Variants in CASD1 observed in about 807,000 individuals in gnomAD.
The protein encoded by CASD1 is CAS1 domain sialic acid O acetyltransferase 1, also known as N-acetylneuraminate (7)9-O-acetyltransferase.
A neutral mutation model predicts 100.0 loss-of-function variants in CASD1; 41 were observed. The observed-to-expected ratio is 0.41, with a 90% CI of 0.32 to 0.53. The LOEUF is 0.53. CASD1 is among the 20% of genes least tolerant of loss of function. The probability of loss-of-function intolerance (pLI) is 0.25; values close to 1 mark genes in which losing one functional copy is unlikely to be tolerated. For synonymous variants in CASD1, 321 were observed against 315.6 expected (o/e 1.02, Z -0.18); for missense variants, 774 against 948.7 (o/e 0.82, Z 2.42).
At chr7:94,539,249 A>G (rs75337214) in intron 10 of CASD1, among the ~76,000 whole-genome samples, 193 bp downstream of exon 10, 2 of 152,096 alleles carry the variant, frequency 1.3e-5, no homozygotes, top group Non-Finnish European at 2.9e-5. Context: ...AATTTTTTTT[A>G]AAAAAGATAA....
chr7:94,554,310 G>T, intron 16 of CASD1, 173 bp from the exon 17 acceptor site: 1 of 494,700 alleles, frequency 2.0e-6, no homozygotes, highest in Non-Finnish European at 3.6e-6. Context: ...TCCAGTTTGG[G>T]TAGACTTTAG....
chr7:94,603,178 C>T, the CASD1 span: 1 of 772,448 alleles, frequency 1.3e-6, no homozygotes, highest in East Asian at 2.7e-5. Context: ...AAGTCAACTG[C>T]AGTTAAAGTA....
At chr7:94,618,943 T>G in the CASD1 span, 1 of 1,613,146 alleles carries the variant, frequency 6.2e-7, no homozygotes, top group Admixed American at 1.7e-5. Flanking sequence ...CTGCTTGATA[T>G]GGCAACGGGA....
chr7:94,596,803 A>G, the CASD1 span, among the ~76,000 whole-genome samples: 10,933 of 152,074 alleles, frequency 0.072, 450 homozygotes, highest in East Asian at 0.13. Context: ...TGTTGCTACT[A>G]CTTTTTTCCA....
At chr7:94,598,840 T>C in the CASD1 span, 2 of 1,613,390 alleles carry the variant, frequency 1.2e-6, no homozygotes, top group Non-Finnish European at 1.7e-6. Flanking sequence ...GAGGTATGAT[T>C]TCCCCAGTCA....
the CASD1 span, chr7:94,619,182 C>G: frequency 2.0e-6 from 1 of 488,576 alleles, no homozygotes. Flanking sequence ...CAAGGCTCAT[C>G]AGAGGCTCAT....
intron 16 of CASD1, 157 bp from the exon 17 acceptor site, chr7:94,554,326 A>T: frequency 1.9e-6 from 1 of 532,114 alleles, no homozygotes; most frequent in Non-Finnish European, 3.3e-6. Context: ...TTTAGAACAA[A>T]AATAACTTTC....
intron 2 of CASD1, among the ~76,000 whole-genome samples, chr7:94,517,983 A>G (rs1422044631): frequency 2.6e-5 from 4 of 152,248 alleles, no homozygotes; most frequent in African/African-American, 7.2e-5. Context: ...TAATACAGTT[A>G]GAGTACATCT....
chr7:94,538,391 G>T (rs1795220083), intron 9 of CASD1, among the ~76,000 whole-genome samples: 1 of 152,042 alleles, frequency 6.6e-6, no homozygotes, highest in African/African-American at 2.4e-5. Context: ...TTTTAGAATT[G>T]CTGTCATTGC....
intron 3 of CASD1, among the ~76,000 whole-genome samples, chr7:94,522,271 TA>T (rs1175416841): frequency 6.6e-6 from 1 of 152,184 alleles, no homozygotes; most frequent in Admixed American, 6.5e-5. Context: ...ATTCACCAGG[TA>T]AATACTAAAG....
At chr7:94,569,763 A>G in the CASD1 span, among the ~76,000 whole-genome samples, 1 of 150,472 alleles carries the variant, frequency 6.6e-6, no homozygotes, top group African/African-American at 2.4e-5. Flanking sequence ...TCTCTTGTAG[A>G]CAGCATATCG....
the CASD1 span, chr7:94,629,729 G>A: frequency 1.9e-6 from 3 of 1,611,006 alleles, no homozygotes; most frequent in Non-Finnish European, 1.7e-6. Context: ...CAGGTTTTGG[G>A]TAAGGTGGAA....
rs1793591698 is a variant in CASD1 at position 94,509,840 on chromosome 7, G to C, written c.-245G>C. 2 of 1,001,488 alleles carry C rather than the reference G, an allele frequency of 2.0e-6. No individual in the cohort carries two copies. Among genetic ancestry groups the C allele is most frequent in the Admixed American group, 5.9e-5 (1 of 16,828 alleles). The allele number at this position is 1,001,488 out of a possible 1,614,324, so 62.0% of individuals were successfully genotyped here. ...GGCGTCCAGGGCGCCTGGGGAACCG[G>C]CACGGCGGAGCAGCGGCGGCGGGGC... On this transcript the variant is annotated 5_prime_UTR_variant, in exon 1 of 18. Transcript: ENST00000297273.
chr7:94,532,152 A>G (rs1794880986), intron 5 of CASD1, among the ~76,000 whole-genome samples: 1 of 152,166 alleles, frequency 6.6e-6, no homozygotes, highest in South Asian at 2.1e-4. Flanking sequence ...AATATGTTCC[A>G]AGACCCTAGC....
At chr7:94,547,466 ACTAGT>A (rs1795735381) in intron 13 of CASD1, among the ~76,000 whole-genome samples, 1 of 151,918 alleles carries the variant, frequency 6.6e-6, no homozygotes, top group Admixed American at 6.6e-5. Flanking sequence ...CTTATAAGAC[ACTAGT>A]CTAAGTGGAG....
At chr7:94,620,480 A>G in the CASD1 span, 1 of 152,178 alleles carries the variant, frequency 6.6e-6, no homozygotes, top group African/African-American at 2.4e-5. Flanking sequence ...CCTGTTTTAT[A>G]CAGATAAATA....
intron 13 of CASD1, among the ~76,000 whole-genome samples, chr7:94,548,485 G>C (rs1795787549): frequency 6.6e-6 from 1 of 151,362 alleles, no homozygotes; most frequent in South Asian, 2.1e-4. Flanking sequence ...AAGTACTTCA[G>C]ACTTCAGATT....
chr7:94,615,568 C>T, the CASD1 span, among the ~76,000 whole-genome samples: 1 of 152,088 alleles, frequency 6.6e-6, no homozygotes, highest in East Asian at 1.9e-4. Context: ...CTCACTGAGG[C>T]CTTTGACATA....
At chr7:94,603,225 A>T in the CASD1 span, 2 of 1,289,486 alleles carry the variant, frequency 1.6e-6, no homozygotes, top group Non-Finnish European at 2.2e-6. Context: ...TTCAGGTTTT[A>T]GTCAAACGTT....
Sources: gnomAD v4.1 joint callset for allele counts (sites outside exome capture counted in the v4.1 genomes callset) on GRCh38, gnomAD v4.1.1 for gene constraint, MANE v1.5 for transcripts, NCBI Gene and HGNC (gene_info 2026-07-23, HGNC 2026-07-21) for gene names.